The following DCP1A variants were observed in gnomAD, a reference collection of about 807,000 sequenced individuals.
DCP1A encodes mRNA-decapping enzyme 1A.
A neutral mutation model predicts 58.0 loss-of-function variants in DCP1A; 20 were observed. The ratio of observed to expected loss-of-function variants is 0.34; its 90% CI spans 0.24 to 0.50. The LOEUF (loss-of-function observed/expected upper bound fraction) is 0.50, where lower values mean the gene tolerates loss of function less well. DCP1A is among the 20% of genes least tolerant of loss of function. The probability of loss-of-function intolerance (pLI) is 0.98; values close to 1 mark genes in which losing one functional copy is unlikely to be tolerated. For missense variants in DCP1A, 613 were observed against 712.2 expected, an observed-to-expected ratio of 0.86 and a Z score of 1.59; for synonymous variants, 285 against 275.1, an observed-to-expected ratio of 1.04 and a Z score of -0.36.
At chr3:53,289,332 C>T (rs146374156) in intron 8 of DCP1A, among the ~76,000 whole-genome samples, 152 of 150,644 alleles carry the variant, frequency 1.0e-3, no homozygotes, top group African/African-American at 3.3e-3. Context: ...CAATTATGGC[C>T]GGGAGTGGTG....
At chr3:53,303,684 A>T (rs1280285642) in intron 6 of DCP1A, among the ~76,000 whole-genome samples, 1 of 152,214 alleles carries the variant, frequency 6.6e-6, no homozygotes, top group Non-Finnish European at 1.5e-5. Flanking sequence ...CCAAGGGAAC[A>T]AGTGCAAAGG....
intron 9 of DCP1A, among the ~76,000 whole-genome samples, 165 bp from the exon 10 acceptor site, chr3:53,287,825 T>G (rs925683816): frequency 6.6e-6 from 1 of 152,056 alleles, no homozygotes; most frequent in Non-Finnish European, 1.5e-5. Context: ...CATGCAGATA[T>G]TTCTCCACCA....
chr3:53,292,913 G>A (rs1302326935), intron 6 of DCP1A, 86 bp from the exon 7 acceptor site: 38 of 1,394,618 alleles, frequency 2.7e-5, no homozygotes, highest in Middle Eastern at 1.9e-4. Flanking sequence ...CAAAGATTTT[G>A]CAGAATCAAG....
chr3:53,326,976 AC>A (rs369209976), intron 3 of DCP1A, among the ~76,000 whole-genome samples: 16,475 of 99,398 alleles, frequency 0.17, 773 homozygotes, highest in Non-Finnish European at 0.18. Flanking sequence ...GACATGTCCA[AC>A]CCCCCCCCCC....
In DCP1A at chr3:53,286,669, G is replaced by A. The variant is rs1487543929; in HGVS notation, c.*911C>T. 1 of 152,316 alleles carries A rather than the reference G, an allele frequency of 6.6e-6. No individual in the cohort carries two copies. Among genetic ancestry groups the A allele is most frequent in the East Asian group, 1.9e-4 (1 of 5,180 alleles). The allele number at this position is 152,316 out of a possible 1,614,324, so 9.4% of individuals were successfully genotyped here. On this transcript the variant is annotated 3_prime_UTR_variant, in exon 10 of 10. Transcript: ENST00000610213. ...TTAAAACTATTCTCAGTACACTCAA[G>A]GAAAGGAACCAGAATGGCTTTGTCA...
rs1026518283 is a variant in DCP1A at position 53,288,815 on chromosome 3, G to A, written c.1450-532C>T. Among the ~76,000 whole-genome samples, 9 of 152,040 alleles carry A rather than the reference G, an allele frequency of 5.9e-5. No individual in the cohort carries two copies. The South Asian group carries it at 1.0e-3, about 18-fold the overall frequency. The stretch of plus-strand genomic sequence containing the variant: ...ACTCTGGGAGGCCGAGGTGGGGTTC[G>A]AGACCAGCCTGGCCAACATGGTGAA... On this transcript the variant is annotated intron_variant, in intron 8 of 9. Coordinates refer to ENST00000610213, the MANE Select transcript of DCP1A (RefSeq NM_018403.7).
chr3:53,306,922 C>T (rs776157247), intron 5 of DCP1A, among the ~76,000 whole-genome samples: 2 of 149,850 alleles, frequency 1.3e-5, no homozygotes, highest in Non-Finnish European at 3.0e-5. Flanking sequence ...CCATGTTGCC[C>T]AGGCTGTTCT....
intron 4 of DCP1A, among the ~76,000 whole-genome samples, chr3:53,316,826 G>T (rs1432739156): frequency 6.6e-6 from 1 of 152,018 alleles, no homozygotes; most frequent in East Asian, 1.9e-4. Flanking sequence ...GGCATTTCTG[G>T]TGAAAGAAGC....
intron 3 of DCP1A, among the ~76,000 whole-genome samples, chr3:53,330,891 C>T (rs1241147641): frequency 7.8e-6 from 1 of 128,916 alleles, no homozygotes; most frequent in Non-Finnish European, 1.5e-5. Context: ...TGGAGTCTCG[C>T]TCTGTTGCCC....
chr3:53,326,403 C>T (rs1352259756), intron 3 of DCP1A, among the ~76,000 whole-genome samples: 1 of 152,246 alleles, frequency 6.6e-6, no homozygotes, highest in Non-Finnish European at 1.5e-5. Flanking sequence ...TACTGCCACA[C>T]AGTACCCATA....
intron 3 of DCP1A, among the ~76,000 whole-genome samples, chr3:53,321,354 T>C (rs898692251): frequency 6.6e-6 from 1 of 152,204 alleles, no homozygotes; most frequent in African/African-American, 2.4e-5. Context: ...TGGATGGGAA[T>C]AGGGGTTAAC....
At chr3:53,340,027 G>A (rs1019282821) in intron 3 of DCP1A, among the ~76,000 whole-genome samples, 2 of 152,066 alleles carry the variant, frequency 1.3e-5, no homozygotes, top group Non-Finnish European at 1.5e-5. Flanking sequence ...GGGTTCAAGC[G>A]ACTTTCCCAC....
chr3:53,309,452 G>A (rs527752483), intron 5 of DCP1A, among the ~76,000 whole-genome samples: 56 of 151,776 alleles, frequency 3.7e-4, no homozygotes, highest in African/African-American at 1.3e-3. Context: ...TTATTATACA[G>A]ATTTTTAATT....
In DCP1A at chr3:53,336,861, T is replaced by G. The variant is rs868930116; in HGVS notation, c.304+5283A>C. 1.6e-4 allele frequency among the ~76,000 whole-genome samples: 24 copies of G among 150,868 alleles called. No homozygotes were observed. In the South Asian group the frequency reaches 2.5e-3, roughly 16 times the overall value. On this transcript the variant is annotated intron_variant, in intron 3 of 9. Coordinates refer to ENST00000610213, the MANE Select transcript of DCP1A (RefSeq NM_018403.7). ...CAAAGCCCAGATTTATTTATTTATT[T>G]ATTTATTTATTTATTTATTTATTTA... is the stretch of plus-strand genomic sequence containing the variant.
chr3:53,345,663 C>T (rs985688291), intron 1 of DCP1A, among the ~76,000 whole-genome samples: 5 of 152,038 alleles, frequency 3.3e-5, no homozygotes, highest in Admixed American at 6.5e-5. Flanking sequence ...CTGTAATCAA[C>T]GCATTATTAA....
In DCP1A at chr3:53,319,397, A is replaced by G. The variant is rs782538230; in HGVS notation, c.371+10T>C. ...TATCATCAGTTAAATTTATGGAGTA[A>G]TATACTTACTCAGCCATGAGTTTTG... On this transcript the variant is annotated intron_variant, in intron 4 of 9. Coordinates refer to ENST00000610213, the MANE Select transcript of DCP1A (RefSeq NM_018403.7). 6.6e-7 allele frequency: 1 copy of G among 1,517,032 alleles called. No individual in the cohort carries two copies. The highest frequency in any genetic ancestry group is 1.2e-5 in the South Asian group (1 of 82,960). The allele number at this position is 1,517,032 out of a possible 1,614,324, so 94.0% of individuals were successfully genotyped here.
At chr3:53,337,999 G>A in intron 3 of DCP1A, 1 of 281,650 alleles carries the variant, frequency 3.6e-6, no homozygotes, top group South Asian at 3.2e-5. Flanking sequence ...ATGGATTGAT[G>A]AAGTAATTTT....
At chr3:53,316,164 A>AT (rs1553689225) in intron 4 of DCP1A, among the ~76,000 whole-genome samples, 1 of 152,174 alleles carries the variant, frequency 6.6e-6, no homozygotes, top group Non-Finnish European at 1.5e-5. Flanking sequence ...ACATTTATTT[A>AT]TATGTATAAT....
chr3:53,311,727 C>A (rs549893973), intron 5 of DCP1A, among the ~76,000 whole-genome samples: 1 of 152,212 alleles, frequency 6.6e-6, no homozygotes, highest in East Asian at 1.9e-4. Flanking sequence ...ATTCCTAGGA[C>A]CACTGAGGAT....
Sources: gnomAD v4.1 joint callset for allele counts (sites outside exome capture counted in the v4.1 genomes callset) on GRCh38, gnomAD v4.1.1 for gene constraint, MANE v1.5 for transcripts, NCBI Gene and HGNC (gene_info 2026-07-23, HGNC 2026-07-21) for gene names.